SGCZ: variants seen among roughly 807,000 people sequenced by gnomAD.
SGCZ encodes sarcoglycan zeta, also known as zeta-sarcoglycan.
Under a neutral mutation model 41.3 loss-of-function variants are expected in SGCZ, and 40 were observed. The ratio of observed to expected loss-of-function variants is 0.97; its 90% CI spans 0.75 to 1.26. SGCZ has a LOEUF of 1.26. Among genes scored for constraint, SGCZ ranks in the 50% most tolerant of loss-of-function variants. The pLI is 0.00. For missense variants in SGCZ, 552 were observed against 369.8 expected, an observed-to-expected ratio of 1.49 and a Z score of -4.04; for synonymous variants, 206 against 137.5, an observed-to-expected ratio of 1.50 and a Z score of -3.49.
At chr8:14,419,635 G>A (rs1326617652) in intron 2 of SGCZ, among the ~76,000 whole-genome samples, 1 of 151,802 alleles carries the variant, frequency 6.6e-6, no homozygotes, top group Non-Finnish European at 1.5e-5. Context: ...TAATTTAATG[G>A]CAACTATAAT....
chr8:15,180,024 CTA>C (rs1725118661), intron 1 of SGCZ, among the ~76,000 whole-genome samples: 1 of 152,126 alleles, frequency 6.6e-6, no homozygotes, highest in Non-Finnish European at 1.5e-5. Context: ...CACATTTTTA[CTA>C]TGTGTTATAA....
intron 1 of SGCZ, among the ~76,000 whole-genome samples, chr8:14,998,909 A>G (rs1293349831): frequency 6.6e-6 from 1 of 152,214 alleles, no homozygotes; most frequent in Non-Finnish European, 1.5e-5. Context: ...TCACTATAGA[A>G]CTAAAATTAT....
chr8:14,881,890 C>T (rs555375271), intron 1 of SGCZ, among the ~76,000 whole-genome samples: 20 of 152,202 alleles, frequency 1.3e-4, no homozygotes, highest in Non-Finnish European at 2.5e-4. Flanking sequence ...CAGATCATAG[C>T]GCAATCAAAT....
intron 2 of SGCZ, among the ~76,000 whole-genome samples, chr8:14,547,045 A>G (rs1803652336): frequency 6.6e-6 from 1 of 152,078 alleles, no homozygotes; most frequent in African/African-American, 2.4e-5. Context: ...AGTACCTAAT[A>G]TGGGCTCTCT....
intron 2 of SGCZ, among the ~76,000 whole-genome samples, chr8:14,504,201 G>A (rs778687037): frequency 1.6e-4 from 25 of 152,116 alleles, no homozygotes; most frequent in Non-Finnish European, 2.5e-4. Context: ...AATTCAATTT[G>A]CCTTTAAATG....
chr8:14,131,581 C>T (rs1182093095), intron 5 of SGCZ, among the ~76,000 whole-genome samples: 2 of 152,004 alleles, frequency 1.3e-5, no homozygotes, highest in East Asian at 1.9e-4. Flanking sequence ...TTTGTTTTTG[C>T]CAGCTTGATT....
chr8:14,993,501 T>A (rs909234965), intron 1 of SGCZ, among the ~76,000 whole-genome samples: 1 of 151,814 alleles, frequency 6.6e-6, no homozygotes, highest in Non-Finnish European at 1.5e-5. Flanking sequence ...AGATGATGAG[T>A]GCTATGAAGA....
At position 15,113,207 on chromosome 8, in the gene SGCZ, CAA is replaced by C. The variant is rs59453647; in HGVS notation, c.39+124376_39+124377del. Among the ~76,000 whole-genome samples, 406 of 128,154 alleles carry C rather than the reference CAA, an allele frequency of 3.2e-3. 2 individuals carry two copies. Among genetic ancestry groups the C allele is most frequent in the Non-Finnish European group, 3.8e-3 (229 of 59,870 alleles). The allele number at this position is 128,154 out of a possible 152,430, so 84.1% of individuals were successfully genotyped here. A position where few individuals can be genotyped will look rare whatever the true frequency, so the allele number is the denominator to read the frequency against. ...CTGGGCAAGAGAGCGAGACCTGGCT[CAA>C]AAAAAAAAAAAAACAAAAAGAAAAC... is the stretch of plus-strand genomic sequence containing the variant. On this transcript the variant is annotated intron_variant, in intron 1 of 7. Coordinates refer to ENST00000382080, the MANE Select transcript of SGCZ (RefSeq NM_139167.4).
chr8:14,586,358 C>T (rs150538778), intron 1 of SGCZ, among the ~76,000 whole-genome samples: 2 of 152,018 alleles, frequency 1.3e-5, no homozygotes, highest in Admixed American at 6.6e-5. Flanking sequence ...GGACTACAGG[C>T]GTGTGTCATC....
At chr8:14,235,308 A>T (rs1247985330) in intron 4 of SGCZ, among the ~76,000 whole-genome samples, 1 of 152,202 alleles carries the variant, frequency 6.6e-6, no homozygotes, top group East Asian at 1.9e-4. Context: ...TCAAAAATAC[A>T]CTCAAAGGAC....
chr8:14,679,737 T>A (rs1808383862), intron 1 of SGCZ, among the ~76,000 whole-genome samples: 1 of 152,138 alleles, frequency 6.6e-6, no homozygotes, highest in African/African-American at 2.4e-5. Flanking sequence ...AAGTCCCCAA[T>A]AGTGCATAGT....
intron 2 of SGCZ, among the ~76,000 whole-genome samples, chr8:14,440,320 CTTTG>C (rs1800212398): frequency 6.6e-6 from 1 of 152,018 alleles, no homozygotes; most frequent in Non-Finnish European, 1.5e-5. Flanking sequence ...TAATTCACTT[CTTTG>C]TTCATGTAGC....
intron 3 of SGCZ, among the ~76,000 whole-genome samples, chr8:14,305,571 C>T (rs1350976338): frequency 6.6e-6 from 1 of 152,112 alleles, no homozygotes; most frequent in East Asian, 1.9e-4. Context: ...CCTTTAAAAA[C>T]AAATGCATAC....
At chr8:15,081,141 TG>T (rs1369240108) in intron 1 of SGCZ, among the ~76,000 whole-genome samples, 1 of 152,198 alleles carries the variant, frequency 6.6e-6, no homozygotes, top group Admixed American at 6.5e-5. Flanking sequence ...TCATATAGTA[TG>T]CTTCTCAAAA....
chr8:14,730,510 C>A (rs1473222696), intron 1 of SGCZ, among the ~76,000 whole-genome samples: 1 of 151,904 alleles, frequency 6.6e-6, no homozygotes, highest in African/African-American at 2.4e-5. Context: ...TGTTATATTA[C>A]AATACGTGAC....
At chr8:15,067,658 CATT>C (rs1259089200) in intron 1 of SGCZ, among the ~76,000 whole-genome samples, 1 of 152,152 alleles carries the variant, frequency 6.6e-6, no homozygotes, top group Non-Finnish European at 1.5e-5. Context: ...AATAATTCCA[CATT>C]ATTTTCTTTG....
At chr8:15,041,755 T>TTTTTTTTTTTTTTTTTTTTTTTTTTG (rs1554545238) in intron 1 of SGCZ, among the ~76,000 whole-genome samples, 1 of 152,018 alleles carries the variant, frequency 6.6e-6, no homozygotes, top group Non-Finnish European at 1.5e-5. Context: ...AAAGACTTTT[T>TTTTTTTTTTTTTTTTTTTTTTTTTTG]AATTCTTATA....
At chr8:15,024,397 G>A (rs1047533878) in intron 1 of SGCZ, among the ~76,000 whole-genome samples, 3 of 152,192 alleles carry the variant, frequency 2.0e-5, no homozygotes, top group Non-Finnish European at 4.4e-5. Context: ...AATATTTAGT[G>A]AGAGTTGTGC....
intron 3 of SGCZ, chr8:14,309,335 A>C: frequency 1.9e-6 from 3 of 1,601,958 alleles, no homozygotes; most frequent in Non-Finnish European, 2.6e-6. Context: ...GGAAGATGAG[A>C]AAAACAAATG....
Sources: allele counts gnomAD v4.1 joint callset (sites outside exome capture counted in the v4.1 genomes callset), GRCh38; gene constraint gnomAD v4.1.1; transcripts MANE v1.5; gene names NCBI Gene and HGNC (gene_info 2026-07-23, HGNC 2026-07-21).